CCDC150: variants seen among roughly 807,000 people sequenced by gnomAD.
CCDC150 encodes coiled-coil domain-containing protein 150.
Under a neutral mutation model 156.5 loss-of-function variants are expected in CCDC150, and 151 were observed. That is an observed-to-expected ratio of 0.97 (90% CI 0.85 to 1.10). The LOEUF is 1.10. Among genes scored for constraint, CCDC150 ranks in the 50% least tolerant of loss-of-function variants. The probability of loss-of-function intolerance (pLI) is 0.00; values close to 1 mark genes in which losing one functional copy is unlikely to be tolerated. For missense variants in CCDC150, 1,312 were observed against 1,268.1 expected (o/e 1.03, Z -0.53); for synonymous variants, 452 against 429.4 (o/e 1.05, Z -0.65).
intron 16 of CCDC150, 146 bp from the exon 17 acceptor site, chr2:196,712,531 C>T (rs2125691889): frequency 1.6e-6 from 1 of 620,472 alleles, no homozygotes; most frequent in South Asian, 2.3e-5. Flanking sequence ...GAAAGTTATG[C>T]TTTTCAGAAA....
chr2:196,707,786 G>A (rs577820612), intron 15 of CCDC150, among the ~76,000 whole-genome samples: 37 of 152,196 alleles, frequency 2.4e-4, no homozygotes, highest in African/African-American at 7.7e-4. Context: ...TCATTCAGGA[G>A]CACCAGGTTG....
intron 11 of CCDC150, 117 bp downstream of exon 11, chr2:196,676,384 C>A: frequency 7.1e-7 from 1 of 1,402,480 alleles, no homozygotes; most frequent in Non-Finnish European, 9.7e-7. Context: ...ATTTTTTGGG[C>A]CAGCCACAGA....
intron 5 of CCDC150, among the ~76,000 whole-genome samples, chr2:196,662,996 A>C (rs1231073750): frequency 2.0e-5 from 3 of 152,082 alleles, no homozygotes; most frequent in Non-Finnish European, 2.9e-5. Flanking sequence ...TCAGCACTTT[A>C]GGAGGCTGAG....
Position 196,669,862 on chromosome 2 carries a change from G to A in CCDC150, c.922G>A (p.Val308Ile), listed in dbSNP as rs1694095406. ...TAGAGATGACCTCATTTCCAAGTTG[G>A]TTGAAGAAAATAAGGTGAGTTTTGA... ...TSRDDLISKL[V>I]EENKNLQISF... The change falls in exon 8 of 28, where the codon GTT becomes ATT. Residue 308 changes from valine to isoleucine, a missense_variant. Transcript: ENST00000389175. 3.1e-6 allele frequency: 5 copies of A among 1,611,012 alleles called. No homozygotes were observed. Among genetic ancestry groups the A allele is most frequent in the Admixed American group, 1.7e-5 (1 of 59,626 alleles).
At chr2:196,720,261 A>T (rs13398730) in intron 19 of CCDC150, 5 of 327,374 alleles carry the variant, frequency 1.5e-5, no homozygotes, top group African/African-American at 1.1e-4. Flanking sequence ...CTTTTTTTAC[A>T]TTACATATTG....
At chr2:196,653,775 T>A (rs529199968) in intron 2 of CCDC150, among the ~76,000 whole-genome samples, 32 of 152,338 alleles carry the variant, frequency 2.1e-4, no homozygotes, top group Non-Finnish European at 4.3e-4. Flanking sequence ...AATGCCTCAC[T>A]CTTTGTTACC....
chr2:196,658,966 A>G (rs1049707161), intron 5 of CCDC150, 106 bp downstream of exon 5: 13 of 750,050 alleles, frequency 1.7e-5, no homozygotes, highest in African/African-American at 1.4e-4. Context: ...ATATGTGACT[A>G]TGTAGTAGGA....
At chr2:196,684,741 A>G (rs997369123) in intron 13 of CCDC150, among the ~76,000 whole-genome samples, 1 of 152,122 alleles carries the variant, frequency 6.6e-6, no homozygotes, top group Admixed American at 6.5e-5. Context: ...TTAGGTGCAT[A>G]TATATTTATA....
At chr2:196,716,550 A>G (rs1575946432) in intron 17 of CCDC150, among the ~76,000 whole-genome samples, 1 of 152,360 alleles carries the variant, frequency 6.6e-6, no homozygotes, top group South Asian at 2.1e-4. Context: ...ACAAACTCAT[A>G]TATTGTAACA....
Position 196,648,463 on chromosome 2 carries a change from T to C in CCDC150, c.176+1959T>C, listed in dbSNP as rs1321998575. On this transcript the variant is annotated intron_variant, in intron 2 of 27. Coordinates refer to ENST00000389175, the MANE Select transcript of CCDC150 (RefSeq NM_001080539.2). ...TTTGAGGAATGTCTATTCCGGTTTT[T>C]GTCCATGTTTAAAAAATAAGGTTGT... Among the ~76,000 whole-genome samples the C allele has an allele frequency of 2.0e-5, 3 of 152,184 alleles. No individual in the cohort carries two copies. The South Asian group carries it at 6.2e-4, about 31-fold the overall frequency.
chr2:196,660,891 C>T (rs1168119128), intron 5 of CCDC150, among the ~76,000 whole-genome samples: 1 of 152,102 alleles, frequency 6.6e-6, no homozygotes, highest in Non-Finnish European at 1.5e-5. Context: ...CTAAGATTTT[C>T]TCTTGTATCA....
intron 7 of CCDC150, 52 bp downstream of exon 7, chr2:196,666,900 A>T (rs752369745): frequency 5.0e-6 from 8 of 1,600,180 alleles, no homozygotes; most frequent in Non-Finnish European, 6.9e-6. Context: ...TGGAGATTTC[A>T]TGGAAAAACT....
chr2:196,700,751 C>T (rs1392930851), intron 14 of CCDC150, among the ~76,000 whole-genome samples: 10 of 152,074 alleles, frequency 6.6e-5, no homozygotes, highest in African/African-American at 4.8e-5. Context: ...CTGCTATTTC[C>T]GTAAAGAACT....
At chr2:196,710,752 T>A (rs115637650) in intron 15 of CCDC150, among the ~76,000 whole-genome samples, 1,622 of 152,344 alleles carry the variant, frequency 0.011, 32 homozygotes, top group African/African-American at 0.037. Context: ...TAGGGATACA[T>A]ATAAAGTTAT....
rs770911196 is a variant in CCDC150 at position 196,729,229 on chromosome 2, G to A, written c.2593G>A (p.Val865Met). The A allele has an allele frequency of 4.3e-6, 7 of 1,613,620 alleles. No individual in the cohort carries two copies. In the South Asian group the frequency reaches 6.6e-5, roughly 15 times the overall value. ...CCTTGATGAAGCTAACTTCAGATCA[G>A]TGGAAGTGTCCCGGACCAACCGAGA... ...KALDEANFRS[V>M]EVSRTNRELR... Residue 865 changes from valine to methionine, a missense_variant, in exon 23 of 28, where the codon GTG becomes ATG. Physicochemically the swap from Val to Met is conservative, Grantham distance 21. Coordinates refer to ENST00000389175, the MANE Select transcript of CCDC150 (RefSeq NM_001080539.2).
At chr2:196,716,463 A>G (rs1485637266) in intron 17 of CCDC150, among the ~76,000 whole-genome samples, 1 of 152,248 alleles carries the variant, frequency 6.6e-6, no homozygotes, top group Non-Finnish European at 1.5e-5. Context: ...ATAACTCTCA[A>G]AATAATTACA....
chr2:196,649,067 G>A (rs9678168), intron 2 of CCDC150, among the ~76,000 whole-genome samples: 101,082 of 152,050 alleles, frequency 0.66, 34,392 homozygotes, highest in East Asian at 0.92. Flanking sequence ...ATTAGCTAAT[G>A]CAATGCCTCC....
chr2:196,718,740 C>G, intron 18 of CCDC150, 109 bp downstream of exon 18: 1 of 1,359,996 alleles, frequency 7.4e-7, no homozygotes, highest in African/African-American at 1.5e-5. Context: ...AAGGATTGAT[C>G]AGGGGAGGAT....
chr2:196,670,155 A>G (rs1482009911), intron 8 of CCDC150, among the ~76,000 whole-genome samples: 1 of 152,180 alleles, frequency 6.6e-6, no homozygotes, highest in Non-Finnish European at 1.5e-5. Context: ...ACTTAATGAA[A>G]TGTAAGAAAT....
Sources: gnomAD v4.1 joint callset for allele counts (sites outside exome capture counted in the v4.1 genomes callset) on GRCh38, gnomAD v4.1.1 for gene constraint, MANE v1.5 for transcripts, NCBI Gene and HGNC (gene_info 2026-07-23, HGNC 2026-07-21) for gene names.